Variants in ATP10B observed in about 807,000 individuals in gnomAD.
The protein encoded by ATP10B is phospholipid-transporting ATPase VB.
ATP10B carries 122 observed loss-of-function variants against 141.2 expected under a neutral mutation model. The observed-to-expected ratio is 0.86, with a 90% CI of 0.75 to 1.00. The LOEUF (loss-of-function observed/expected upper bound fraction) is 1.00, where lower values mean the gene tolerates loss of function less well. Ranked by LOEUF, ATP10B falls within the 50% of genes least tolerant of loss-of-function variation. The probability of loss-of-function intolerance (pLI) is 0.00; values close to 1 mark genes in which losing one functional copy is unlikely to be tolerated. For missense variants in ATP10B, 1,876 were observed against 1,825.3 expected (o/e 1.03, Z -0.51); for synonymous variants, 685 against 692.0 (o/e 0.99, Z 0.16).
intron 1 of ATP10B, among the ~76,000 whole-genome samples, chr5:160,799,725 C>G (rs1772240160): frequency 6.6e-6 from 1 of 152,004 alleles, no homozygotes; most frequent in African/African-American, 2.4e-5. Flanking sequence ...GAAGAATGGC[C>G]AAATGGGGAA....
At chr5:160,728,986 A>G (rs1182641221) in intron 2 of ATP10B, among the ~76,000 whole-genome samples, 1 of 152,188 alleles carries the variant, frequency 6.6e-6, no homozygotes, top group Non-Finnish European at 1.5e-5. Flanking sequence ...GGGTCTGGAC[A>G]TGGCAGCCAC....
rs373686454 is a variant in ATP10B at position 160,642,823 on chromosome 5, C to T, written c.868+1315G>A. ...CTCTTGCACTGAAAGTTCAACCATC[C>T]TGTTCAGGAACATGCAGAATATGAA... On this transcript the variant is annotated intron_variant, in intron 9 of 25. Coordinates refer to ENST00000327245, the MANE Select transcript of ATP10B (RefSeq NM_025153.3). Among the ~76,000 whole-genome samples, 23 of 152,344 alleles carry T rather than the reference C, an allele frequency of 1.5e-4. 1 individual carries two copies. Among genetic ancestry groups the T allele is most frequent in the East Asian group, 1.2e-3 (6 of 5,196 alleles).
intron 1 of ATP10B, among the ~76,000 whole-genome samples, chr5:160,848,103 A>C (rs578229930): frequency 1.8e-4 from 28 of 152,192 alleles, no homozygotes; most frequent in Non-Finnish European, 3.7e-4. Context: ...ACACACATAC[A>C]ATACACATGT....
At chr5:160,594,984 T>C (rs1321888832) in intron 22 of ATP10B, among the ~76,000 whole-genome samples, 2 of 152,158 alleles carry the variant, frequency 1.3e-5, no homozygotes, top group Non-Finnish European at 2.9e-5. Flanking sequence ...GACAGATCAA[T>C]GAGACAGAAA....
intron 1 of ATP10B, among the ~76,000 whole-genome samples, chr5:160,814,221 G>A (rs1773414510): frequency 6.6e-6 from 1 of 152,004 alleles, no homozygotes; most frequent in African/African-American, 2.4e-5. Flanking sequence ...TGGCAAAGAA[G>A]TTAAAAACCT....
chr5:160,639,753 T>A (rs1259116800), intron 10 of ATP10B, among the ~76,000 whole-genome samples: 1 of 152,222 alleles, frequency 6.6e-6, no homozygotes, highest in African/African-American at 2.4e-5. Context: ...TTCAGGATGA[T>A]TCAAGTGCAT....
At chr5:160,892,066 C>T in the ATP10B span, among the ~76,000 whole-genome samples, 1 of 152,160 alleles carries the variant, frequency 6.6e-6, no homozygotes, top group African/African-American at 2.4e-5. Flanking sequence ...TAATTATTTG[C>T]TTCAGTCAGT....
chr5:160,889,408 A>C, the ATP10B span, among the ~76,000 whole-genome samples: 1 of 152,202 alleles, frequency 6.6e-6, no homozygotes, highest in African/African-American at 2.4e-5. Context: ...TGTAGTAATT[A>C]AAAGGAGTTG....
the ATP10B span, among the ~76,000 whole-genome samples, chr5:160,899,474 G>C: frequency 6.6e-6 from 1 of 152,026 alleles, no homozygotes; most frequent in African/African-American, 2.4e-5. Flanking sequence ...CTTCATTGTG[G>C]TAATGGTTTC....
chr5:160,625,378 A>G (rs559972696), intron 13 of ATP10B, among the ~76,000 whole-genome samples: 3 of 152,340 alleles, frequency 2.0e-5, no homozygotes, highest in South Asian at 2.1e-4. Flanking sequence ...GAGTGATAAA[A>G]GGGATTATGG....
the ATP10B span, among the ~76,000 whole-genome samples, chr5:160,903,659 C>T: frequency 1.3e-5 from 2 of 152,094 alleles, no homozygotes; most frequent in African/African-American, 2.4e-5. Context: ...ATGGTAGAGC[C>T]ACCCTCTCAT....
intron 8 of ATP10B, among the ~76,000 whole-genome samples, chr5:160,646,684 C>T (rs537573403): frequency 2.2e-4 from 34 of 152,040 alleles, no homozygotes; most frequent in Non-Finnish European, 4.7e-4. Context: ...CTGTCAGTAG[C>T]TTGTGGTTTC....
intron 23 of ATP10B, among the ~76,000 whole-genome samples, chr5:160,590,428 G>A (rs1275952128): frequency 1.3e-5 from 2 of 152,154 alleles, no homozygotes; most frequent in African/African-American, 4.8e-5. Context: ...TTTACCTGGT[G>A]GCAATTGCTT....
chr5:160,746,978 T>C (rs1767848643), intron 2 of ATP10B, among the ~76,000 whole-genome samples: 1 of 152,154 alleles, frequency 6.6e-6, no homozygotes, highest in Non-Finnish European at 1.5e-5. Flanking sequence ...ATGGTCTTAG[T>C]TTGTTGTGCA....
chr5:160,658,105 TGA>T (rs1761634695), intron 7 of ATP10B, among the ~76,000 whole-genome samples: 1 of 152,238 alleles, frequency 6.6e-6, no homozygotes. Context: ...AAGTTGTTCA[TGA>T]GAGATATGAT....
chr5:160,888,757 A>G, the ATP10B span, among the ~76,000 whole-genome samples: 1 of 152,176 alleles, frequency 6.6e-6, no homozygotes, highest in Non-Finnish European at 1.5e-5. Context: ...CCTACAATTC[A>G]TGAGGCCACA....
intron 1 of ATP10B, among the ~76,000 whole-genome samples, chr5:160,845,089 A>G (rs907798126): frequency 6.6e-6 from 1 of 152,226 alleles, no homozygotes; most frequent in Non-Finnish European, 1.5e-5. Flanking sequence ...TCTGGTGTTA[A>G]AAGATATAGC....
chr5:160,672,364 C>T (rs993809725), intron 6 of ATP10B, among the ~76,000 whole-genome samples: 18 of 152,268 alleles, frequency 1.2e-4, no homozygotes, highest in South Asian at 4.1e-4. Flanking sequence ...CCAGGTAATA[C>T]GGTCTATTCC....
intron 2 of ATP10B, among the ~76,000 whole-genome samples, chr5:160,774,733 AC>A (rs1333025859): frequency 6.6e-6 from 1 of 152,140 alleles, no homozygotes; most frequent in Non-Finnish European, 1.5e-5. Flanking sequence ...GCTGGGTGTT[AC>A]GTTTTGCAAG....
Sources: allele counts gnomAD v4.1 joint callset (sites outside exome capture counted in the v4.1 genomes callset), GRCh38; gene constraint gnomAD v4.1.1; transcripts MANE v1.5; gene names NCBI Gene and HGNC (gene_info 2026-07-23, HGNC 2026-07-21).